SAMD13: variants seen among roughly 807,000 people sequenced by gnomAD.
SAMD13 encodes the protein sterile alpha motif domain-containing protein 13.
A neutral mutation model predicts 12.4 loss-of-function variants in SAMD13; 9 were observed. The observed-to-expected ratio is 0.72, with a 90% CI of 0.44 to 1.26. The LOEUF (loss-of-function observed/expected upper bound fraction) is 1.26, where lower values mean the gene tolerates loss of function less well. SAMD13 is among the 50% of genes most tolerant of loss of function. The probability of loss-of-function intolerance (pLI) is 0.00; values close to 1 mark genes in which losing one functional copy is unlikely to be tolerated. For missense variants in SAMD13, 84 were observed against 119.6 expected (o/e 0.70, Z 1.39); for synonymous variants, 46 against 45.4 (o/e 1.01, Z -0.05).
At chr1:84,340,505 C>T (rs1679399477) in intron 3 of SAMD13, among the ~76,000 whole-genome samples, 2 of 152,046 alleles carry the variant, frequency 1.3e-5, no homozygotes, top group Non-Finnish European at 2.9e-5. Context: ...AATTGCATAA[C>T]ACTATAAATG....
chr1:84,339,484 G>A (rs1558461837), intron 3 of SAMD13, among the ~76,000 whole-genome samples: 1 of 152,110 alleles, frequency 6.6e-6, no homozygotes, highest in Non-Finnish European at 1.5e-5. Flanking sequence ...GCTGCATGCT[G>A]TAACTCTAGG....
At chr1:84,333,084 C>T (rs1679224865) in intron 3 of SAMD13, among the ~76,000 whole-genome samples, 1 of 151,606 alleles carries the variant, frequency 6.6e-6, no homozygotes, top group Admixed American at 6.6e-5. Flanking sequence ...TTACATTGGT[C>T]TATGTGTACC....
chr1:84,309,406 G>GT (rs1313786839), intron 2 of SAMD13, among the ~76,000 whole-genome samples: 1 of 152,138 alleles, frequency 6.6e-6, no homozygotes, highest in Non-Finnish European at 1.5e-5. Flanking sequence ...TTTCAAATTT[G>GT]TTGACCTAAA....
chr1:84,309,122 A>G (rs563283681), intron 2 of SAMD13, among the ~76,000 whole-genome samples: 1 of 152,336 alleles, frequency 6.6e-6, no homozygotes, highest in African/African-American at 2.4e-5. Context: ...TTTTCAAGTA[A>G]GTAAACAGAA....
intron 3 of SAMD13, among the ~76,000 whole-genome samples, chr1:84,331,460 A>C (rs1679184955): frequency 6.6e-6 from 1 of 152,044 alleles, no homozygotes. Flanking sequence ...ATTGAGAATA[A>C]CTTGATTTAC....
At chr1:84,309,274 G>A (rs79611628) in intron 2 of SAMD13, among the ~76,000 whole-genome samples, 4,829 of 152,128 alleles carry the variant, frequency 0.032, 95 homozygotes, top group South Asian at 0.071. Context: ...CCCATAAACT[G>A]GAATGAGTTT....
chr1:84,298,552 G>A (rs1354751770), upstream of SAMD13: 1 of 1,272,294 alleles, frequency 7.9e-7, no homozygotes, highest in Non-Finnish European at 1.0e-6. Context: ...ACCTCCCGGC[G>A]CGGCCATGCG....
Position 84,349,980 on chromosome 1 carries a change from T to A in SAMD13, c.*206T>A. 1 of 1,150,770 alleles carries A rather than the reference T, an allele frequency of 8.7e-7. No individual in the cohort carries two copies. The highest frequency in any genetic ancestry group is 1.1e-6 in the Non-Finnish European group (1 of 902,440). The allele number at this position is 1,150,770 out of a possible 1,614,324, so 71.3% of individuals were successfully genotyped here. ...GAGCAAGGACAAGATGCGCACAGGGTGGTTTTCCTCATGGATTTTGTCAAA... is the reference window on the plus strand; with the variant it reads ...GAGCAAGGACAAGATGCGCACAGGGAGGTTTTCCTCATGGATTTTGTCAAA... On this transcript the variant is annotated 3_prime_UTR_variant, in exon 4 of 4. Coordinates refer to ENST00000394834, the MANE Select transcript of SAMD13 (RefSeq NM_001134663.2).
chr1:84,333,545 C>T (rs1241289573), intron 3 of SAMD13, among the ~76,000 whole-genome samples: 1 of 152,068 alleles, frequency 6.6e-6, no homozygotes, highest in African/African-American at 2.4e-5. Flanking sequence ...GTTAGGAATG[C>T]TACTGATTTT....
chr1:84,298,561 C>A (rs759671511), upstream of SAMD13: 16 of 1,277,622 alleles, frequency 1.3e-5, no homozygotes, highest in East Asian at 5.8e-5. Context: ...CGCGGCCATG[C>A]GGGGAGGTAA....
intron 2 of SAMD13, among the ~76,000 whole-genome samples, chr1:84,309,260 C>T (rs1367273783): frequency 6.6e-6 from 1 of 152,156 alleles, no homozygotes; most frequent in East Asian, 1.9e-4. Flanking sequence ...TATCCTCACT[C>T]AGTCCCATAA....
chr1:84,338,924 G>C (rs1472745773), intron 3 of SAMD13, among the ~76,000 whole-genome samples: 1 of 152,166 alleles, frequency 6.6e-6, no homozygotes, highest in Admixed American at 6.5e-5. Flanking sequence ...TTCAAGCTCT[G>C]AGAATCTTTC....
chr1:84,319,517 C>G (rs1167883536), intron 2 of SAMD13, among the ~76,000 whole-genome samples: 1 of 151,782 alleles, frequency 6.6e-6, no homozygotes, highest in Non-Finnish European at 1.5e-5. Context: ...TAGCTGTAGT[C>G]CCAGCTACTT....
chr1:84,311,670 G>T (rs938004245), intron 2 of SAMD13, among the ~76,000 whole-genome samples: 3 of 151,760 alleles, frequency 2.0e-5, no homozygotes, highest in African/African-American at 7.2e-5. Context: ...AGAAAACACT[G>T]GTCTTTTTGT....
chr1:84,321,338 T>G (rs539048876), intron 2 of SAMD13, among the ~76,000 whole-genome samples: 50 of 152,032 alleles, frequency 3.3e-4, no homozygotes, highest in African/African-American at 1.2e-3. Flanking sequence ...GATTTCTTGC[T>G]AATTTTTAAT....
upstream of SAMD13, chr1:84,298,574 G>A: frequency 7.8e-7 from 1 of 1,284,016 alleles, no homozygotes; most frequent in Non-Finnish European, 9.9e-7. Context: ...GGAGGTAAGT[G>A]ATCTGCCTGT....
intron 3 of SAMD13, among the ~76,000 whole-genome samples, chr1:84,328,028 A>T (rs931135049): frequency 2.0e-5 from 3 of 152,226 alleles, no homozygotes; most frequent in African/African-American, 7.2e-5. Flanking sequence ...TAAATGGTTA[A>T]CAAAAAAATA....
At chr1:84,339,723 C>T (rs1285748557) in intron 3 of SAMD13, among the ~76,000 whole-genome samples, 1 of 152,158 alleles carries the variant, frequency 6.6e-6, no homozygotes, top group Non-Finnish European at 1.5e-5. Context: ...GGAACTTTCT[C>T]TCCAAGTTGA....
chr1:84,304,072 G>C (rs1678509028), intron 2 of SAMD13: 1 of 152,118 alleles, frequency 6.6e-6, no homozygotes, highest in Admixed American at 6.5e-5. Flanking sequence ...TTGAGCTTTG[G>C]AGGAAACTAA....
Sources: gnomAD v4.1 joint callset for allele counts (sites outside exome capture counted in the v4.1 genomes callset) on GRCh38, gnomAD v4.1.1 for gene constraint, MANE v1.5 for transcripts, NCBI Gene and HGNC (gene_info 2026-07-23, HGNC 2026-07-21) for gene names.